Variants in UHRF2 observed in about 807,000 individuals in gnomAD.
The protein encoded by UHRF2 is E3 ubiquitin-protein ligase UHRF2.
UHRF2 carries 23 observed loss-of-function variants against 96.8 expected under a neutral mutation model. The ratio of observed to expected loss-of-function variants is 0.24; its 90% CI spans 0.17 to 0.34. The LOEUF (loss-of-function observed/expected upper bound fraction) is 0.34, where lower values mean the gene tolerates loss of function less well. Among genes scored for constraint, UHRF2 ranks in the 10% least tolerant of loss-of-function variants. The pLI is 1.00. For missense variants in UHRF2, 685 were observed against 981.5 expected (o/e 0.70, Z 4.04); for synonymous variants, 385 against 332.6 (o/e 1.16, Z -1.72).
At chr9:6,437,821 T>A (rs1820940251) in intron 3 of UHRF2, among the ~76,000 whole-genome samples, 1 of 152,120 alleles carries the variant, frequency 6.6e-6, no homozygotes, top group Non-Finnish European at 1.5e-5. Flanking sequence ...TTTCACCACG[T>A]TGGCCAAGGT....
chr9:6,413,602 G>T lies in UHRF2; in HGVS notation c.112G>T (p.Val38Leu). ...CGAGCGGGTGTGGGCGCTGTTCGAC[G>T]TGCGGCCCGAATGCCAGCGCCTCTT... ...LRERVWALFD[V>L]RPECQRLFYR... is the part of the protein sequence containing the mutation. The change falls in exon 1 of 16, where the codon GTG (valine) becomes TTG (leucine). Residue 38 changes from valine (V) to leucine (L), a missense_variant. Transcript: ENST00000276893. 1.2e-6 allele frequency: 2 copies of T among 1,600,438 alleles called. No individual in the cohort carries two copies. Among genetic ancestry groups the T allele is most frequent in the Non-Finnish European group, 1.7e-6 (2 of 1,174,256 alleles).
intron 2 of UHRF2, 136 bp downstream of exon 2, chr9:6,421,278 G>A: frequency 1.4e-6 from 1 of 704,638 alleles, no homozygotes; most frequent in Non-Finnish European, 2.3e-6. Context: ...ACTTTTAAAA[G>A]TAGTCTTTTA....
chr9:6,434,663 A>G (rs1266283173), intron 3 of UHRF2, among the ~76,000 whole-genome samples: 1 of 151,948 alleles, frequency 6.6e-6, no homozygotes, highest in East Asian at 1.9e-4. Flanking sequence ...GGTCTCAAAC[A>G]CCTGACCTCA....
rs578166803 is a variant in UHRF2 at position 6,485,262 on chromosome 9, C to A, written c.1393-1559C>A. Reference sequence around the variant, plus strand: ...AAATACTGTATATAAATTGAATATACTACTATAAATATAGTAAAAATACAC... The same window carrying A: ...AAATACTGTATATAAATTGAATATAATACTATAAATATAGTAAAAATACAC... On this transcript the variant is annotated intron_variant, in intron 8 of 15. Transcript: ENST00000276893. Among the ~76,000 whole-genome samples the A allele has an allele frequency of 1.6e-4, 24 of 152,282 alleles. 1 individual carries two copies. The highest frequency in any genetic ancestry group is 6.5e-4 in the Admixed American group (10 of 15,310).
intron 4 of UHRF2, among the ~76,000 whole-genome samples, chr9:6,471,599 T>C (rs1398549223): frequency 1.3e-5 from 2 of 152,192 alleles, no homozygotes; most frequent in African/African-American, 2.4e-5. Context: ...AGCTTTTTTA[T>C]TTTCCCTGAG....
intron 8 of UHRF2, among the ~76,000 whole-genome samples, chr9:6,484,900 T>C (rs529408110): frequency 6.7e-6 from 1 of 149,332 alleles, no homozygotes; most frequent in Non-Finnish European, 1.5e-5. Flanking sequence ...TTCAAGCAAT[T>C]CTCCTGCCTC....
chr9:6,458,770 A>G (rs905884411), intron 3 of UHRF2, among the ~76,000 whole-genome samples: 2 of 152,246 alleles, frequency 1.3e-5, no homozygotes, highest in Non-Finnish European at 2.9e-5. Context: ...ATGCACATGT[A>G]TGTTTATTGC....
chr9:6,422,753 G>T lies in UHRF2; in HGVS notation c.384+1611G>T, dbSNP rs994486626. ...CCTCCCAAAGTGCTGGGATACAGGC[G>T]TGAGCCACCATGCCCGGCTAACTTA... is the stretch of plus-strand genomic sequence containing the variant. On this transcript the variant is annotated intron_variant, in intron 2 of 15. Transcript: ENST00000276893. 6.5e-6 allele frequency: 3 copies of T among 459,586 alleles called. No homozygotes were observed. The Admixed American group carries it at 1.1e-4, about 17-fold the overall frequency. The allele number at this position is 459,586 out of a possible 1,614,324, so 28.5% of individuals were successfully genotyped here.
chr9:6,474,045 G>A (rs939764328), intron 4 of UHRF2, among the ~76,000 whole-genome samples: 3 of 152,154 alleles, frequency 2.0e-5, no homozygotes, highest in African/African-American at 4.8e-5. Flanking sequence ...TTTTAGGGAG[G>A]TAGACAAGTG....
intron 3 of UHRF2, among the ~76,000 whole-genome samples, chr9:6,449,144 TAAGA>T (rs998960191): frequency 6.6e-6 from 1 of 152,226 alleles, no homozygotes; most frequent in African/African-American, 2.4e-5. Context: ...GTAAAGGTCT[TAAGA>T]AAGACCTTTA....
At chr9:6,419,942 A>G (rs1031801716) in intron 1 of UHRF2, among the ~76,000 whole-genome samples, 4 of 151,944 alleles carry the variant, frequency 2.6e-5, no homozygotes, top group South Asian at 2.1e-4. Flanking sequence ...TATTTTTTGT[A>G]GAGATGGGGT....
chr9:6,481,892 A>G (rs532183283), intron 7 of UHRF2, 100 bp from the exon 8 acceptor site: 1 of 1,535,484 alleles, frequency 6.5e-7, no homozygotes, highest in East Asian at 2.3e-5. Flanking sequence ...TGGTACTTAA[A>G]TTACATAAAC....
intron 10 of UHRF2, 117 bp downstream of exon 10, chr9:6,494,049 A>T (rs1299263421): frequency 1.2e-6 from 1 of 857,830 alleles, no homozygotes; most frequent in African/African-American, 1.7e-5. Context: ...AAGATCTGAA[A>T]TTAAAATTCC....
intron 4 of UHRF2, chr9:6,468,377 T>C: frequency 8.9e-6 from 4 of 451,862 alleles, no homozygotes; most frequent in Non-Finnish European, 1.8e-5. Flanking sequence ...GGCAGTAGAT[T>C]AGTGCTTTTA....
intron 1 of UHRF2, among the ~76,000 whole-genome samples, chr9:6,417,843 C>T (rs754625836): frequency 3.3e-5 from 5 of 152,210 alleles, no homozygotes; most frequent in Non-Finnish European, 7.3e-5. Context: ...TTTGTATTTA[C>T]TCCTGACCGT....
intron 9 of UHRF2, 115 bp from the exon 10 acceptor site, chr9:6,493,711 T>C: frequency 1.1e-6 from 1 of 891,888 alleles, no homozygotes; most frequent in African/African-American, 1.7e-5. Flanking sequence ...GGGAGATGCC[T>C]CAAGAGAAAA....
chr9:6,414,151 C>G (rs1436058893), intron 1 of UHRF2: 1 of 151,800 alleles, frequency 6.6e-6, no homozygotes, highest in Admixed American at 6.5e-5. Flanking sequence ...AGAACCCTAA[C>G]TCTGCTTCCT....
At chr9:6,505,155 T>A (rs996225398) in intron 15 of UHRF2, among the ~76,000 whole-genome samples, 3 of 152,176 alleles carry the variant, frequency 2.0e-5, no homozygotes, top group African/African-American at 7.2e-5. Context: ...CAGTGGTGAT[T>A]ATGTGCCCTA....
At chr9:6,419,425 G>T (rs1819796506) in intron 1 of UHRF2, among the ~76,000 whole-genome samples, 1 of 151,916 alleles carries the variant, frequency 6.6e-6, no homozygotes, top group Non-Finnish European at 1.5e-5. Context: ...CAGGCAAGTG[G>T]AGTAACATGA....
Sources: allele counts gnomAD v4.1 joint callset (sites outside exome capture counted in the v4.1 genomes callset), GRCh38; gene constraint gnomAD v4.1.1; transcripts MANE v1.5; gene names NCBI Gene and HGNC (gene_info 2026-07-23, HGNC 2026-07-21).